Variants in HDHD2 observed in about 807,000 individuals in gnomAD.
The protein encoded by HDHD2 is haloacid dehalogenase-like hydrolase domain-containing protein 2.
Under a neutral mutation model 24.8 loss-of-function variants are expected in HDHD2, and 26 were observed. The ratio of observed to expected loss-of-function variants is 1.05; its 90% CI spans 0.77 to 1.45. The LOEUF (loss-of-function observed/expected upper bound fraction) is 1.45. Ranked by LOEUF, HDHD2 falls within the 40% of genes most tolerant of loss-of-function variation. The pLI is 0.00. For missense variants in HDHD2, 299 were observed against 313.4 expected, an observed-to-expected ratio of 0.95 and a Z score of 0.35; for synonymous variants, 128 against 114.9, an observed-to-expected ratio of 1.11 and a Z score of -0.73.
At chr18:47,116,253 T>C (rs1599925941) in intron 4 of HDHD2, among the ~76,000 whole-genome samples, 1 of 152,322 alleles carries the variant, frequency 6.6e-6, no homozygotes, top group East Asian at 1.9e-4. Flanking sequence ...ATGCGGGACA[T>C]GATATATTTC....
In HDHD2 at chr18:47,113,015, G is replaced by C. The variant is rs2063528051; in HGVS notation, c.638C>G (p.Ala213Gly). 1 of 1,614,076 alleles carries C rather than the reference G, an allele frequency of 6.2e-7. No homozygotes were observed. Among genetic ancestry groups the C allele is most frequent in the Non-Finnish European group, 8.5e-7 (1 of 1,179,974 alleles). ...GDDCRDDVGG[A>G]QDVGMLGILV... The stretch of plus-strand genomic sequence containing the variant: ...GATGCCCAGCATGCCGACATCTTGA[G>C]CCCCACCAACATCATCCCTGCAATC... The change falls in exon 6 of 7, where the codon GCT (alanine) becomes GGT (glycine). Residue 213 changes from alanine (A) to glycine (G), a missense_variant. Transcript: ENST00000300605.
intron 1 of HDHD2, 36 bp from the exon 2 acceptor site, chr18:47,136,485 A>G: frequency 6.3e-7 from 1 of 1,575,280 alleles, no homozygotes; most frequent in South Asian, 1.1e-5. Context: ...AATACAGTTT[A>G]GGAAACAATG....
chr18:47,130,182 G>A, intron 4 of HDHD2, 62 bp downstream of exon 4: 1 of 1,052,990 alleles, frequency 9.5e-7, no homozygotes, highest in Non-Finnish European at 1.4e-6. Context: ...TCATGACAAT[G>A]ACAAAAGGAA....
chr18:47,118,699 C>G (rs1461216983), intron 4 of HDHD2, among the ~76,000 whole-genome samples: 1 of 152,188 alleles, frequency 6.6e-6, no homozygotes, highest in Non-Finnish European at 1.5e-5. Context: ...TATGTAACAA[C>G]TCTGCACATC....
At chr18:47,125,112 T>A (rs961291861) in intron 4 of HDHD2, among the ~76,000 whole-genome samples, 5 of 151,998 alleles carry the variant, frequency 3.3e-5, no homozygotes, top group African/African-American at 1.2e-4. Context: ...CAGTGAGCTA[T>A]GATAGTGCCA....
chr18:47,125,549 T>A (rs1038954720), intron 4 of HDHD2, among the ~76,000 whole-genome samples: 5 of 152,152 alleles, frequency 3.3e-5, no homozygotes, highest in Non-Finnish European at 7.4e-5. Flanking sequence ...ACACTACTAC[T>A]ATACAAAACA....
chr18:47,136,734 A>G (rs1309899314), intron 1 of HDHD2, among the ~76,000 whole-genome samples: 1 of 152,216 alleles, frequency 6.6e-6, no homozygotes, highest in Admixed American at 6.5e-5. Context: ...GTTTTTAAAA[A>G]GAACTCTGGT....
rs2063921231 is a variant in HDHD2 at position 47,150,463 on chromosome 18, T to C, written c.-96A>G. 1 of 152,342 alleles carries C rather than the reference T, an allele frequency of 6.6e-6. No homozygotes were observed. Among genetic ancestry groups the C allele is most frequent in the Non-Finnish European group, 1.5e-5 (1 of 68,146 alleles). The allele number at this position is 152,342 out of a possible 1,614,324, so 9.4% of individuals were successfully genotyped here. A position where few individuals can be genotyped will look rare whatever the true frequency, so the allele number is the denominator to read the frequency against. ...ACTGGCCGCGGGTCCTCAGCCGGGA[T>C]AGACAGCCCCGCTGCTGCCCGACGG... On this transcript the variant is annotated 5_prime_UTR_variant, in exon 1 of 7. Transcript: ENST00000300605.
chr18:47,136,323 C>A lies in HDHD2; in HGVS notation c.101+16G>T. On this transcript the variant is annotated intron_variant, in intron 2 of 6. Coordinates refer to ENST00000300605, the MANE Select transcript of HDHD2 (RefSeq NM_032124.5). ...TTACAAACATATTTGTCAGCTGAAC[C>A]TGGAGGATAGCTTGCCTTTTAAGAG... 6.2e-7 allele frequency: 1 copy of A among 1,613,438 alleles called. No individual in the cohort carries two copies. The highest frequency in any genetic ancestry group is 1.1e-5 in the South Asian group (1 of 90,992).
intron 3 of HDHD2, chr18:47,134,273 A>T: frequency 1.8e-6 from 1 of 569,750 alleles, no homozygotes; most frequent in Non-Finnish European, 3.1e-6. Flanking sequence ...AAAGACACAC[A>T]TATAGATATG....
chr18:47,111,463 GAAAAT>G, intron 6 of HDHD2: 1 of 984,380 alleles, frequency 1.0e-6, no homozygotes, highest in Non-Finnish European at 1.2e-6. Flanking sequence ...TCAATAATGA[GAAAAT>G]AAAACAGCAA....
chr18:47,140,933 T>C (rs1568061097), intron 1 of HDHD2, among the ~76,000 whole-genome samples: 1 of 152,222 alleles, frequency 6.6e-6, no homozygotes, highest in Non-Finnish European at 1.5e-5. Flanking sequence ...ATGTAGACAA[T>C]AATTACCAAC....
chr18:47,120,029 C>T (rs1052497872), intron 4 of HDHD2, among the ~76,000 whole-genome samples: 5 of 152,272 alleles, frequency 3.3e-5, no homozygotes, highest in Non-Finnish European at 7.4e-5. Context: ...TTCAATAAAC[C>T]ATGCTGTAAA....
intron 1 of HDHD2, among the ~76,000 whole-genome samples, chr18:47,144,559 T>C (rs1390826502): frequency 6.6e-6 from 1 of 152,146 alleles, no homozygotes; most frequent in African/African-American, 2.4e-5. Flanking sequence ...TGACCTTGAC[T>C]AGCAGGTGCC....
chr18:47,145,474 T>C lies in HDHD2; in HGVS notation c.-11+4904A>G, dbSNP rs181777332. Among the ~76,000 whole-genome samples, 451 of 152,344 alleles carry C rather than the reference T, an allele frequency of 3.0e-3. 1 individual carries two copies. Among genetic ancestry groups the C allele is most frequent in the Non-Finnish European group, 4.7e-3 (321 of 68,026 alleles). On this transcript the variant is annotated intron_variant, in intron 1 of 6. Transcript: ENST00000300605. The stretch of plus-strand genomic sequence containing the variant: ...AAATACAGAAAAAGGTCCCAATATG[T>C]GTAGAAAATTCATATATGATAGAAG...
chr18:47,128,226 T>G (rs913532109), intron 4 of HDHD2, among the ~76,000 whole-genome samples: 8 of 152,224 alleles, frequency 5.3e-5, no homozygotes, highest in Admixed American at 5.2e-4. Context: ...AAGTCAGTAT[T>G]ATGTCAACAT....
Position 47,113,026 on chromosome 18 carries a change from A to G in HDHD2, c.627T>C (p.Asp209=), listed in dbSNP as rs1223759481. 2 of 1,613,946 alleles carry G rather than the reference A, an allele frequency of 1.2e-6. No homozygotes were observed. Among genetic ancestry groups the G allele is most frequent in the Non-Finnish European group, 1.7e-6 (2 of 1,179,924 alleles). The change falls in exon 6 of 7, where the codon GAT becomes GAC. Residue 209 remains aspartate (D), a synonymous_variant. Coordinates refer to ENST00000300605, the MANE Select transcript of HDHD2 (RefSeq NM_032124.5). Reference sequence around the variant, plus strand: ...TGCCGACATCTTGAGCCCCACCAACATCATCCCTGCAATCCTAGAAAAGCA... The same window carrying G: ...TGCCGACATCTTGAGCCCCACCAACGTCATCCCTGCAATCCTAGAAAAGCA... ...AVMIGDDCRD[D]VGGAQDVGML...
intron 6 of HDHD2, 163 bp from the exon 7 acceptor site, chr18:47,108,948 A>G (rs1413278111): frequency 7.0e-6 from 4 of 568,258 alleles, no homozygotes; most frequent in Non-Finnish European, 1.2e-5. Flanking sequence ...CAGGATGTAA[A>G]TGAGGCAATT....
At chr18:47,128,119 T>G (rs113137335) in intron 4 of HDHD2, among the ~76,000 whole-genome samples, 6 of 152,214 alleles carry the variant, frequency 3.9e-5, no homozygotes, top group African/African-American at 1.2e-4. Context: ...TTTGTGAAAT[T>G]AGAGTTGACC....
Sources: gnomAD v4.1 joint callset for allele counts (sites outside exome capture counted in the v4.1 genomes callset) on GRCh38, gnomAD v4.1.1 for gene constraint, MANE v1.5 for transcripts, NCBI Gene and HGNC (gene_info 2026-07-23, HGNC 2026-07-21) for gene names.